CMSS1: variants seen among roughly 807,000 people sequenced by gnomAD.
CMSS1 encodes protein CMSS1.
In CMSS1, 33 loss-of-function variants were observed where a neutral mutation model predicts 43.5. The observed-to-expected ratio is 0.76, with a 90% CI of 0.57 to 1.01. CMSS1 has a LOEUF of 1.01. Ranked by LOEUF, CMSS1 falls within the 50% of genes least tolerant of loss-of-function variation. The pLI is 0.00. For synonymous variants in CMSS1, 115 were observed against 117.2 expected (o/e 0.98, Z 0.12); for missense variants, 313 against 326.4 (o/e 0.96, Z 0.32).
intron 1 of CMSS1, among the ~76,000 whole-genome samples, chr3:99,835,499 T>C (rs1942860063): frequency 6.6e-6 from 1 of 152,238 alleles, no homozygotes; most frequent in African/African-American, 2.4e-5. Flanking sequence ...GAGCACCTAC[T>C]ATGAGCACTA....
chr3:99,868,694 C>T (rs188001169), intron 1 of CMSS1, among the ~76,000 whole-genome samples: 5 of 152,280 alleles, frequency 3.3e-5, no homozygotes, highest in African/African-American at 1.2e-4. Flanking sequence ...CTTTTAACCT[C>T]AGGTTCTCCT....
At chr3:100,016,510 A>AT (rs1710344896) in intron 1 of CMSS1, among the ~76,000 whole-genome samples, 1 of 151,996 alleles carries the variant, frequency 6.6e-6, no homozygotes, top group Non-Finnish European at 1.5e-5. Context: ...AACTTTTCTG[A>AT]TTTCTTGGCT....
intron 1 of CMSS1, among the ~76,000 whole-genome samples, chr3:99,891,080 C>T (rs1319912513): frequency 6.6e-6 from 1 of 150,626 alleles, no homozygotes; most frequent in Non-Finnish European, 1.5e-5. Flanking sequence ...TCAGACCACC[C>T]AGTTAGTATG....
intron 1 of CMSS1, among the ~76,000 whole-genome samples, chr3:99,941,546 A>G (rs1166420054): frequency 6.6e-6 from 1 of 152,206 alleles, no homozygotes; most frequent in African/African-American, 2.4e-5. Flanking sequence ...GGAGGTGTTC[A>G]ATGGTGAAAA....
intron 4 of CMSS1, among the ~76,000 whole-genome samples, chr3:100,165,263 T>C (rs1001476264): frequency 6.6e-6 from 1 of 152,218 alleles, no homozygotes; most frequent in African/African-American, 2.4e-5. Flanking sequence ...TAATGAGTTA[T>C]ATGTGCTGGG....
chr3:99,852,350 G>C (rs1943738141), intron 1 of CMSS1, among the ~76,000 whole-genome samples: 1 of 152,126 alleles, frequency 6.6e-6, no homozygotes, highest in Non-Finnish European at 1.5e-5. Context: ...TTTTCTATTA[G>C]GAATGAGTTA....
intron 1 of CMSS1, among the ~76,000 whole-genome samples, chr3:100,021,960 TGAGAGAGA>T (rs61630053): frequency 0.019 from 1,762 of 93,002 alleles, 60 homozygotes; most frequent in African/African-American, 0.066. Flanking sequence ...TGTGTGTGTG[TGAGAGAGA>T]GAGAGAGAGA....
At chr3:100,103,942 A>G (rs1033771627) in intron 1 of CMSS1, among the ~76,000 whole-genome samples, 7 of 152,196 alleles carry the variant, frequency 4.6e-5, no homozygotes, top group Non-Finnish European at 1.0e-4. Context: ...AAGGTTCCTG[A>G]CAGCTTGTTT....
intron 1 of CMSS1, among the ~76,000 whole-genome samples, chr3:99,873,150 A>G (rs1483704441): frequency 6.6e-6 from 1 of 152,208 alleles, no homozygotes; most frequent in Non-Finnish European, 1.5e-5. Context: ...GCAACCACAG[A>G]AATATTGCTT....
At chr3:100,162,607 A>C (rs947500592) in intron 4 of CMSS1, among the ~76,000 whole-genome samples, 175 bp downstream of exon 4, 6 of 152,194 alleles carry the variant, frequency 3.9e-5, no homozygotes, top group Admixed American at 3.9e-4. Context: ...CAGGTGTTTG[A>C]AACCAGCCTG....
chr3:99,832,295 A>G lies in CMSS1; in HGVS notation c.64+14252A>G, dbSNP rs187390877. Among the ~76,000 whole-genome samples the G allele has an allele frequency of 3.8e-3, 561 of 147,598 alleles. 3 individuals carry two copies. The highest frequency in any genetic ancestry group is 0.013 in the African/African-American group (533 of 39,892). ...ACCCAGACTGGAGTGCAGTGGCGCG[A>G]TATCGGCTCACTGCAAGCTCCGCCT... On this transcript the variant is annotated intron_variant, in intron 1 of 9. Transcript: ENST00000421999.
intron 1 of CMSS1, among the ~76,000 whole-genome samples, chr3:99,959,589 A>T (rs1467720567): frequency 6.6e-6 from 1 of 152,196 alleles, no homozygotes; most frequent in Non-Finnish European, 1.5e-5. Flanking sequence ...CACGTGTATA[A>T]TTTCTTTAGC....
At chr3:100,094,054 T>C (rs1003638165) in intron 1 of CMSS1, among the ~76,000 whole-genome samples, 3 of 152,252 alleles carry the variant, frequency 2.0e-5, no homozygotes, top group African/African-American at 7.2e-5. Flanking sequence ...CAGCAATGTA[T>C]GAGTGATGTA....
chr3:99,969,927 A>G (rs1246710962), intron 1 of CMSS1, among the ~76,000 whole-genome samples: 1 of 152,242 alleles, frequency 6.6e-6, no homozygotes, highest in Non-Finnish European at 1.5e-5. Context: ...GACATCAATG[A>G]GAAAAGATAA....
rs144426680 is a variant in CMSS1 at position 100,000,777 on chromosome 3, G to A, written c.65-146196G>A. Among the ~76,000 whole-genome samples, 541 of 152,310 alleles carry A rather than the reference G, an allele frequency of 3.6e-3. 12 individuals carry two copies. Among genetic ancestry groups the A allele is most frequent in the East Asian group, 2.3e-3 (12 of 5,178 alleles). On this transcript the variant is annotated intron_variant, in intron 1 of 9. Transcript: ENST00000421999. ...AGGAGTAGCCACTGTTTACAGTTTG[G>A]TGTTTATTGTTTGAAGTGTATTGAA...
At chr3:100,171,478 G>A (rs933682883) in intron 6 of CMSS1, among the ~76,000 whole-genome samples, 1 of 151,968 alleles carries the variant, frequency 6.6e-6, no homozygotes, top group South Asian at 2.1e-4. Context: ...ACCAAATTTT[G>A]TATGAGAACT....
At chr3:99,955,885 C>T (rs551057415) in intron 1 of CMSS1, among the ~76,000 whole-genome samples, 51 of 152,262 alleles carry the variant, frequency 3.3e-4, no homozygotes, top group African/African-American at 1.2e-3. Context: ...TTGAATTAAA[C>T]GCATCTTCTC....
intron 1 of CMSS1, among the ~76,000 whole-genome samples, chr3:100,054,400 G>T (rs1418162385): frequency 6.6e-6 from 1 of 152,142 alleles, no homozygotes; most frequent in African/African-American, 2.4e-5. Context: ...GCCAGAGCTG[G>T]GGAGTGGCTG....
At chr3:100,168,322 T>C (rs2067081355) in intron 6 of CMSS1, among the ~76,000 whole-genome samples, 1 of 152,112 alleles carries the variant, frequency 6.6e-6, no homozygotes, top group Admixed American at 6.6e-5. Context: ...AGAGCACACA[T>C]TATAGAGAGC....
Sources: allele counts gnomAD v4.1 joint callset (sites outside exome capture counted in the v4.1 genomes callset), GRCh38; gene constraint gnomAD v4.1.1; transcripts MANE v1.5; gene names NCBI Gene and HGNC (gene_info 2026-07-23, HGNC 2026-07-21).